The following CA10 variants were observed in gnomAD, a reference collection of about 807,000 sequenced individuals.
CA10 encodes the protein carbonic anhydrase 10 (inactive).
Under a neutral mutation model 44.2 loss-of-function variants are expected in CA10, and 14 were observed. That is an observed-to-expected ratio of 0.32 (90% confidence interval 0.21 to 0.50). CA10 has a LOEUF of 0.50. Among genes scored for constraint, CA10 ranks in the 20% least tolerant of loss-of-function variants. The pLI is 0.99. For missense variants in CA10, 350 were observed against 409.7 expected, an observed-to-expected ratio of 0.85 and a Z score of 1.26; for synonymous variants, 159 against 141.6, an observed-to-expected ratio of 1.12 and a Z score of -0.87.
intron 2 of CA10, among the ~76,000 whole-genome samples, chr17:52,032,349 T>C (rs1986493336): frequency 6.6e-6 from 1 of 152,278 alleles, no homozygotes; most frequent in East Asian, 1.9e-4. Flanking sequence ...CTTTTATGCA[T>C]TGGTCTGCTT....
At chr17:51,811,231 T>C (rs1907352865) in intron 3 of CA10, among the ~76,000 whole-genome samples, 1 of 151,246 alleles carries the variant, frequency 6.6e-6, no homozygotes, top group Non-Finnish European at 1.5e-5. Flanking sequence ...ACAAAAAGCA[T>C]GAACATCATC....
intron 3 of CA10, among the ~76,000 whole-genome samples, chr17:51,878,112 C>G (rs138077058): frequency 5.1e-5 from 7 of 136,062 alleles, no homozygotes; most frequent in Admixed American, 4.0e-4. Flanking sequence ...CCACTGCACT[C>G]CAGCCTGGGT....
chr17:51,808,679 G>C (rs1469788484), intron 3 of CA10, among the ~76,000 whole-genome samples: 1 of 152,152 alleles, frequency 6.6e-6, no homozygotes, highest in Non-Finnish European at 1.5e-5. Flanking sequence ...TACAACAATA[G>C]CTTGGAAAGT....
intron 3 of CA10, among the ~76,000 whole-genome samples, chr17:51,930,725 C>T (rs1982621857): frequency 6.6e-6 from 1 of 152,076 alleles, no homozygotes; most frequent in Non-Finnish European, 1.5e-5. Flanking sequence ...GCTTTCTGTC[C>T]TTTATGGGGG....
intron 6 of CA10, among the ~76,000 whole-genome samples, chr17:51,637,293 T>G (rs534066894): frequency 6.6e-6 from 1 of 152,304 alleles, no homozygotes; most frequent in South Asian, 2.1e-4. Flanking sequence ...AGTCCAAGGC[T>G]CCCTTCTTTT....
chr17:52,157,675 A>G (rs1989836820), intron 1 of CA10, 51 bp downstream of exon 1: 3 of 1,530,290 alleles, frequency 2.0e-6, no homozygotes, highest in Non-Finnish European at 2.7e-6. Context: ...CATACACCCC[A>G]GACATCACAA....
intron 8 of CA10, among the ~76,000 whole-genome samples, chr17:51,632,505 GCTGT>G (rs1317811260): frequency 6.6e-6 from 1 of 152,192 alleles, no homozygotes; most frequent in Non-Finnish European, 1.5e-5. Flanking sequence ...GCTTCTAAAA[GCTGT>G]CTGGTAATAA....
At chr17:51,677,670 A>G (rs1395039517) in intron 4 of CA10, among the ~76,000 whole-genome samples, 1 of 152,140 alleles carries the variant, frequency 6.6e-6, no homozygotes, top group African/African-American at 2.4e-5. Context: ...TGGAGTAGAG[A>G]GAGAGAGAGA....
intron 3 of CA10, among the ~76,000 whole-genome samples, chr17:51,831,725 A>AGCC (rs1908278309): frequency 3.2e-5 from 4 of 126,058 alleles, no homozygotes; most frequent in African/African-American, 1.2e-4. Context: ...CAGCAGCAGC[A>AGCC]GCAGCAGAAA....
intron 3 of CA10, among the ~76,000 whole-genome samples, chr17:51,775,098 T>C (rs1662838807): frequency 6.6e-6 from 1 of 151,972 alleles, no homozygotes; most frequent in Admixed American, 6.6e-5. Flanking sequence ...CCATTCTCAC[T>C]CCTCTAAAGG....
chr17:52,103,493 G>C (rs1443635513), intron 1 of CA10, among the ~76,000 whole-genome samples: 5 of 152,322 alleles, frequency 3.3e-5, no homozygotes, highest in African/African-American at 1.2e-4. Flanking sequence ...TTGCTGAAGA[G>C]TGAGTCTGGG....
At chr17:51,769,648 G>C (rs1404891302) in intron 3 of CA10, among the ~76,000 whole-genome samples, 1 of 152,184 alleles carries the variant, frequency 6.6e-6, no homozygotes, top group African/African-American at 2.4e-5. Context: ...GTGCATCAAA[G>C]ATATATTTCC....
intron 4 of CA10, among the ~76,000 whole-genome samples, chr17:51,690,940 T>C (rs1299431808): frequency 1.3e-5 from 2 of 152,212 alleles, no homozygotes; most frequent in East Asian, 3.8e-4. Context: ...TAGTATTCCA[T>C]TGTGTATATC....
intron 2 of CA10, among the ~76,000 whole-genome samples, chr17:51,970,533 A>AT (rs150619932): frequency 3.3e-5 from 5 of 152,078 alleles, no homozygotes; most frequent in African/African-American, 7.2e-5. Flanking sequence ...ACCCTGCATA[A>AT]TTTTTTTATA....
chr17:51,748,964 T>C (rs760526998), intron 3 of CA10, among the ~76,000 whole-genome samples: 34 of 152,168 alleles, frequency 2.2e-4, no homozygotes, highest in Non-Finnish European at 4.7e-4. Context: ...GCCACCTTAC[T>C]GTAGAATGGA....
chr17:52,045,567 T>C (rs1429510209), intron 2 of CA10, among the ~76,000 whole-genome samples: 2 of 152,008 alleles, frequency 1.3e-5, no homozygotes, highest in Non-Finnish European at 2.9e-5. Context: ...TATACTGTTG[T>C]AAGGTTTCCA....
chr17:51,945,955 G>C (rs763220881), intron 2 of CA10, among the ~76,000 whole-genome samples: 31 of 152,106 alleles, frequency 2.0e-4, no homozygotes, highest in Non-Finnish European at 2.5e-4. Flanking sequence ...GCCAGATGAG[G>C]GCTATGACCA....
intron 3 of CA10, among the ~76,000 whole-genome samples, chr17:51,922,132 C>T (rs570931627): frequency 5.9e-5 from 9 of 152,280 alleles, no homozygotes; most frequent in Admixed American, 1.3e-4. Context: ...CTACTAAGTG[C>T]ATTTTTTCAT....
chr17:51,678,864 T>C (rs1447496922), intron 4 of CA10, among the ~76,000 whole-genome samples: 1 of 152,184 alleles, frequency 6.6e-6, no homozygotes, highest in Non-Finnish European at 1.5e-5. Context: ...AAGAAAGTCT[T>C]AGGTACAGTA....
Sources: allele counts gnomAD v4.1 joint callset (sites outside exome capture counted in the v4.1 genomes callset), GRCh38; gene constraint gnomAD v4.1.1; transcripts MANE v1.5; gene names NCBI Gene and HGNC (gene_info 2026-07-23, HGNC 2026-07-21).